TTC28: variants seen among roughly 807,000 people sequenced by gnomAD.
TTC28 encodes tetratricopeptide repeat domain 28.
In TTC28, 61 loss-of-function variants were observed where a neutral mutation model predicts 198.0. That is an observed-to-expected ratio of 0.31 (90% CI 0.25 to 0.38). The LOEUF (loss-of-function observed/expected upper bound fraction) is 0.38, where lower values mean the gene tolerates loss of function less well. Among genes scored for constraint, TTC28 ranks in the 10% least tolerant of loss-of-function variants. The pLI is 1.00. For synonymous variants in TTC28, 1,171 were observed against 1,297.8 expected (o/e 0.90, Z 2.10); for missense variants, 2,678 against 3,164.0 (o/e 0.85, Z 3.69).
chr22:28,155,121 A>T (rs1230601909), intron 6 of TTC28, among the ~76,000 whole-genome samples: 1 of 152,196 alleles, frequency 6.6e-6, no homozygotes, highest in Non-Finnish European at 1.5e-5. Flanking sequence ...TGTTATTAGG[A>T]TGATGTTATC....
intron 2 of TTC28, among the ~76,000 whole-genome samples, chr22:28,355,162 T>C (rs1488258748): frequency 6.6e-6 from 1 of 152,178 alleles, no homozygotes; most frequent in Non-Finnish European, 1.5e-5. Flanking sequence ...TATGTATTAT[T>C]ATCCAGACTT....
At chr22:28,434,174 A>G (rs1237553670) in intron 2 of TTC28, among the ~76,000 whole-genome samples, 3 of 152,220 alleles carry the variant, frequency 2.0e-5, no homozygotes, top group Non-Finnish European at 4.4e-5. Context: ...AATTATTTTA[A>G]AAGAAATAAA....
chr22:27,992,681 G>A lies in TTC28; in HGVS notation c.5477-18C>T, dbSNP rs1352541970. ...GGGCAGACCTAAACCAAGAAAAAAG[G>A]GTAGAAGTTATTCAGAAGGGCCTCT... is the stretch of plus-strand genomic sequence containing the variant. On this transcript the variant is annotated intron_variant, in intron 18 of 22. Transcript: ENST00000397906. 3.9e-6 allele frequency: 6 copies of A among 1,550,714 alleles called. No homozygotes were observed. The highest frequency in any genetic ancestry group is 2.4e-5 in the East Asian group (1 of 40,910).
intron 5 of TTC28, among the ~76,000 whole-genome samples, chr22:28,208,691 T>C (rs938272543): frequency 2.6e-5 from 4 of 152,178 alleles, no homozygotes; most frequent in Non-Finnish European, 4.4e-5. Context: ...AATCAATCCA[T>C]GGCCTTCCAA....
chr22:28,336,533 T>G (rs1039587639), intron 2 of TTC28, among the ~76,000 whole-genome samples: 1 of 152,206 alleles, frequency 6.6e-6, no homozygotes, highest in African/African-American at 2.4e-5. Context: ...ATTGGTCTAT[T>G]CAGAGATTCA....
At chr22:27,997,650 G>A (rs989252867) in intron 16 of TTC28, 2 of 152,234 alleles carry the variant, frequency 1.3e-5, no homozygotes, top group Non-Finnish European at 2.9e-5. Context: ...CCCATGGGTG[G>A]GACTTTTGCT....
Position 28,098,952 on chromosome 22 carries a change from T to A in TTC28, c.3510A>T (p.Ser1170=). 6.4e-7 allele frequency: 1 copy of A among 1,551,790 alleles called. No individual in the cohort carries two copies. Among genetic ancestry groups the A allele is most frequent in the African/African-American group, 1.4e-5 (1 of 73,176 alleles). ...GCACCCGCTGCAAGGCCTGGTAGGA[T>A]GATGTCTGCAGGTCAAAGAGGGAGA... ...YKLSLFDLQT[S]SYQALQRVLV... Residue 1170 remains serine, a synonymous_variant, in exon 10 of 23, where the codon TCA becomes TCT. Transcript: ENST00000397906.
rs1387555930 is a variant in TTC28 at position 28,107,328 on chromosome 22, G to A, written c.2517C>T (p.Asn839=). 1.9e-6 allele frequency: 3 copies of A among 1,551,780 alleles called. No homozygotes were observed. In the East Asian group the frequency reaches 7.3e-5, roughly 38 times the overall value. The part of the protein sequence containing the change: ...DPSLEAQVYG[N]MGITKMNMNV... ...TCATGTTCATCTTTGTGATGCCCAT[G>A]TTGCCATAGACCTGGGCTTCCAGAC... The change falls in exon 7 of 23, where the codon AAC becomes AAT. Residue 839 remains asparagine (N), a synonymous_variant. Coordinates refer to ENST00000397906, the MANE Select transcript of TTC28 (RefSeq NM_001145418.2).
chr22:28,198,095 C>T (rs1218497643), intron 5 of TTC28, among the ~76,000 whole-genome samples: 3 of 152,078 alleles, frequency 2.0e-5, no homozygotes, highest in Non-Finnish European at 4.4e-5. Context: ...CAGAACAAAT[C>T]AAAAGTCTGA....
chr22:28,457,179 C>T (rs2047875461), intron 2 of TTC28, among the ~76,000 whole-genome samples: 1 of 152,080 alleles, frequency 6.6e-6, no homozygotes, highest in African/African-American at 2.4e-5. Context: ...TACATTTGAG[C>T]CAATGAAATG....
At chr22:28,077,275 G>T (rs1044041942) in intron 12 of TTC28, among the ~76,000 whole-genome samples, 4 of 152,184 alleles carry the variant, frequency 2.6e-5, no homozygotes, top group African/African-American at 7.2e-5. Flanking sequence ...AGTGTAAAGG[G>T]TATGTACATA....
chr22:28,521,043 C>T (rs1371170919), intron 2 of TTC28, among the ~76,000 whole-genome samples: 1 of 152,134 alleles, frequency 6.6e-6, no homozygotes, highest in African/African-American at 2.4e-5. Context: ...CAGGGCAAGA[C>T]TCTATCTCGA....
intron 5 of TTC28, among the ~76,000 whole-genome samples, chr22:28,239,821 G>C (rs1024702853): frequency 6.6e-6 from 1 of 152,136 alleles, no homozygotes; most frequent in South Asian, 2.1e-4. Context: ...GTCTCTACTT[G>C]CCTAAGAATC....
chr22:28,061,832 C>T (rs140016921), intron 12 of TTC28, among the ~76,000 whole-genome samples: 1 of 152,094 alleles, frequency 6.6e-6, no homozygotes, highest in African/African-American at 2.4e-5. Context: ...TCACGATATT[C>T]ATTCTTCCTA....
At chr22:28,016,779 G>C (rs1168378851) in intron 13 of TTC28, among the ~76,000 whole-genome samples, 1 of 152,206 alleles carries the variant, frequency 6.6e-6, no homozygotes, top group African/African-American at 2.4e-5. Context: ...CAGCTGTCCA[G>C]GGAGACCCAG....
At chr22:28,502,642 C>T (rs562178714) in intron 2 of TTC28, among the ~76,000 whole-genome samples, 118 of 150,110 alleles carry the variant, frequency 7.9e-4, no homozygotes, top group African/African-American at 2.6e-3. Context: ...AGCAAGGCTC[C>T]GTCTCAAAAA....
chr22:28,293,467 G>A (rs1018629467), intron 5 of TTC28, among the ~76,000 whole-genome samples: 1 of 152,072 alleles, frequency 6.6e-6, no homozygotes, highest in African/African-American at 2.4e-5. Flanking sequence ...TACCAGAGTG[G>A]GTTGAGGGAG....
intron 5 of TTC28, among the ~76,000 whole-genome samples, chr22:28,180,399 G>A (rs1233608799): frequency 1.3e-5 from 2 of 152,058 alleles, no homozygotes; most frequent in Non-Finnish European, 2.9e-5. Context: ...AAGGATGATG[G>A]AAAAATTTTT....
At chr22:28,295,880 G>A (rs2145779304) in intron 5 of TTC28, among the ~76,000 whole-genome samples, 1 of 152,192 alleles carries the variant, frequency 6.6e-6, no homozygotes, top group East Asian at 1.9e-4. Context: ...TAATGAGTAT[G>A]GCATAATGAC....
Sources: gnomAD v4.1 joint callset for allele counts (sites outside exome capture counted in the v4.1 genomes callset) on GRCh38, gnomAD v4.1.1 for gene constraint, MANE v1.5 for transcripts, NCBI Gene and HGNC (gene_info 2026-07-23, HGNC 2026-07-21) for gene names.